CLASP2: variants seen among roughly 807,000 people sequenced by gnomAD.
CLASP2 encodes cytoplasmic linker associated protein 2, also known as CLIP-associating protein 2.
Under a neutral mutation model 194.4 loss-of-function variants are expected in CLASP2, and 47 were observed. That is an observed-to-expected ratio of 0.24 (90% CI 0.19 to 0.31). The LOEUF (loss-of-function observed/expected upper bound fraction) is 0.31, where lower values mean the gene tolerates loss of function less well. CLASP2 is among the 10% of genes least tolerant of loss of function. CLASP2 has a pLI of 1.00. For missense variants in CLASP2, 1,445 were observed against 1,823.6 expected (o/e 0.79, Z 3.78); for synonymous variants, 619 against 633.5 (o/e 0.98, Z 0.34).
intron 7 of CLASP2, among the ~76,000 whole-genome samples, chr3:33,656,763 ATT>A (rs2084300285): frequency 6.6e-6 from 1 of 152,124 alleles, no homozygotes; most frequent in Non-Finnish European, 1.5e-5. Flanking sequence ...ATATGTCCAT[ATT>A]ATAGAATACT....
At chr3:33,684,625 C>A (rs1216533438) in intron 5 of CLASP2, among the ~76,000 whole-genome samples, 169 bp from the exon 6 acceptor site, 1 of 152,160 alleles carries the variant, frequency 6.6e-6, no homozygotes, top group African/African-American at 2.4e-5. Context: ...TGCCAAGATA[C>A]TTCTAGAAAA....
intron 1 of CLASP2, among the ~76,000 whole-genome samples, chr3:33,697,326 GC>G (rs2092011879): frequency 6.6e-6 from 1 of 152,154 alleles, no homozygotes; most frequent in African/African-American, 2.4e-5. Flanking sequence ...AGACAGTATA[GC>G]CTACTACAAA....
intron 21 of CLASP2, among the ~76,000 whole-genome samples, chr3:33,586,070 T>C (rs1318238650): frequency 2.0e-5 from 3 of 152,156 alleles, no homozygotes; most frequent in Non-Finnish European, 4.4e-5. Flanking sequence ...TTCTGGGTTA[T>C]AGAAGTCCCA....
intron 24 of CLASP2, chr3:33,574,349 T>C (rs187290487): frequency 3.0e-5 from 18 of 599,440 alleles, no homozygotes; most frequent in South Asian, 1.4e-4. Context: ...TACAGAAAAA[T>C]AGATGTATGT....
At chr3:33,585,069 T>A (rs574912604) in intron 21 of CLASP2, 149 bp from the exon 22 acceptor site, 8 of 592,256 alleles carry the variant, frequency 1.4e-5, no homozygotes, top group Non-Finnish European at 1.9e-5. Context: ...CGAGGAAGAT[T>A]TAAATATAAT....
At chr3:33,711,693 T>A (rs888491496) in intron 1 of CLASP2, among the ~76,000 whole-genome samples, 1 of 151,732 alleles carries the variant, frequency 6.6e-6, no homozygotes. Context: ...AACCAAATTA[T>A]CCCATCAAAA....
intron 7 of CLASP2, among the ~76,000 whole-genome samples, chr3:33,652,215 C>T (rs772415097): frequency 6.6e-6 from 1 of 152,146 alleles, no homozygotes; most frequent in African/African-American, 2.4e-5. Context: ...TACCAAAGTT[C>T]CTCTCTTCCC....
intron 27 of CLASP2, among the ~76,000 whole-genome samples, chr3:33,564,584 T>C (rs1187033562): frequency 6.6e-6 from 1 of 152,172 alleles, no homozygotes; most frequent in Non-Finnish European, 1.5e-5. Context: ...AATTGTACTA[T>C]TTTAAAAATT....
At chr3:33,553,882 G>A (rs2060459280) in intron 29 of CLASP2, among the ~76,000 whole-genome samples, 1 of 152,070 alleles carries the variant, frequency 6.6e-6, no homozygotes, top group Admixed American at 6.6e-5. Context: ...ATCAGAACGT[G>A]GAAGTGACAT....
chr3:33,703,582 C>T (rs1293180847), intron 1 of CLASP2, among the ~76,000 whole-genome samples: 1 of 152,224 alleles, frequency 6.6e-6, no homozygotes, highest in Non-Finnish European at 1.5e-5. Flanking sequence ...AATGATCATT[C>T]ATGTTCCTTG....
chr3:33,501,571 A>G (rs941719344), intron 38 of CLASP2, 81 bp downstream of exon 38: 3 of 807,302 alleles, frequency 3.7e-6, no homozygotes, highest in Middle Eastern at 2.5e-4. Context: ...CCAAATAAAA[A>G]GCTTACTGTT....
At chr3:33,499,379 T>C (rs941255121) in intron 38 of CLASP2, among the ~76,000 whole-genome samples, 1 of 147,450 alleles carries the variant, frequency 6.8e-6, no homozygotes, top group African/African-American at 2.5e-5. Context: ...AGATGGAGTC[T>C]CACTCTGTCA....
intron 26 of CLASP2, among the ~76,000 whole-genome samples, chr3:33,567,270 A>G (rs1278356475): frequency 6.6e-6 from 1 of 152,174 alleles, no homozygotes; most frequent in Non-Finnish European, 1.5e-5. Context: ...TATTTTCCCT[A>G]GGTAAGATGT....
chr3:33,544,960 A>G (rs1255945372), intron 30 of CLASP2, 119 bp from the exon 31 acceptor site: 6 of 628,330 alleles, frequency 9.5e-6, no homozygotes, highest in South Asian at 5.3e-5. Context: ...AGGGAAAAGG[A>G]AGATATTCTT....
intron 19 of CLASP2, among the ~76,000 whole-genome samples, chr3:33,595,381 G>C (rs2069998460): frequency 6.6e-6 from 1 of 151,948 alleles, no homozygotes; most frequent in Non-Finnish European, 1.5e-5. Flanking sequence ...GCCCATGAAG[G>C]AATCAGAAAA....
At chr3:33,575,263 C>T (rs1242496750) in intron 24 of CLASP2, among the ~76,000 whole-genome samples, 3 of 152,056 alleles carry the variant, frequency 2.0e-5, no homozygotes, top group Non-Finnish European at 4.4e-5. Flanking sequence ...AAATGGTTAG[C>T]GCAGAACTAC....
rs1027731514 is a variant in CLASP2, at chr3:33,571,015, A to ATTTTTTTTTTT, written c.2700-236_2700-226dup. 4.8e-4 allele frequency among the ~76,000 whole-genome samples: 60 copies of ATTTTTTTTTTT among 123,920 alleles called. 4 individuals carry two copies. Among genetic ancestry groups the ATTTTTTTTTTT allele is most frequent in the Admixed American group, 9.3e-4 (10 of 10,774 alleles). The allele number at this position is 123,920 out of a possible 152,430, so 81.3% of individuals were successfully genotyped here. A position where few individuals can be genotyped will look rare whatever the true frequency, so the allele number is the denominator to read the frequency against. ...AGATGGCAAGATCCTGTCTCTATAA[A>ATTTTTTTTTTT]TTTTTTTTTTTTTTTTTTGAGACGG... On this transcript the variant is annotated intron_variant, in intron 25 of 38. Transcript: ENST00000682230.
chr3:33,607,341 A>T (rs571016995), intron 15 of CLASP2, 43 bp downstream of exon 15: 47 of 1,336,862 alleles, frequency 3.5e-5, no homozygotes, highest in Admixed American at 1.6e-4. Flanking sequence ...ATTTTTTTTT[A>T]AAAAAGATTA....
chr3:33,510,764 C>A lies in CLASP2; in HGVS notation c.4111G>T (p.Val1371Leu). 1 of 1,599,136 alleles carries A rather than the reference C, an allele frequency of 6.3e-7. No individual in the cohort carries two copies. The highest frequency in any genetic ancestry group is 8.5e-7 in the Non-Finnish European group (1 of 1,173,056). Residue 1371 changes from valine (V) to leucine (L), a missense_variant and splice_region_variant, in exon 37 of 39, where the codon GTG becomes TTG. Physicochemically the swap from Val to Leu is conservative, Grantham distance 32. Coordinates refer to ENST00000682230, the MANE Select transcript of CLASP2 (RefSeq NM_001365631.1). ...LEAHKDPHKE[V>L]VRSAEEAASV... is the part of the protein sequence containing the mutation. ...GCCGCTTCCTCAGCAGATCTCACCA[C>A]CTAAAAAAAATAGGAAATTAAGCCA...
Sources: allele counts gnomAD v4.1 joint callset (sites outside exome capture counted in the v4.1 genomes callset), GRCh38; gene constraint gnomAD v4.1.1; transcripts MANE v1.5; gene names NCBI Gene and HGNC (gene_info 2026-07-23, HGNC 2026-07-21).